The following SEMA3A variants were observed in gnomAD, a reference collection of about 807,000 sequenced individuals.
SEMA3A encodes semaphorin 3A, also known as semaphorin-3A.
SEMA3A carries 29 observed loss-of-function variants against 97.9 expected under a neutral mutation model. The observed-to-expected ratio is 0.30, with a 90% CI of 0.22 to 0.40. The LOEUF is 0.40. Ranked by LOEUF, SEMA3A falls within the 10% of genes least tolerant of loss-of-function variation. The pLI is 1.00. For missense variants in SEMA3A, 763 were observed against 951.3 expected, an observed-to-expected ratio of 0.80 and a Z score of 2.60; for synonymous variants, 321 against 323.7, an observed-to-expected ratio of 0.99 and a Z score of 0.09.
chr7:84,334,017 C>T (rs184213565), intron 2 of SEMA3A, among the ~76,000 whole-genome samples: 7 of 152,146 alleles, frequency 4.6e-5, no homozygotes, highest in Admixed American at 2.0e-4. Context: ...AGTATATATC[C>T]ATGTTTCATT....
At chr7:84,272,740 T>G (rs2115708987) in intron 3 of SEMA3A, among the ~76,000 whole-genome samples, 1 of 152,222 alleles carries the variant, frequency 6.6e-6, no homozygotes, top group Admixed American at 6.6e-5. Context: ...GTTACGCCAT[T>G]ATCTCTGAGC....
chr7:84,057,882 A>G (rs890324950), intron 5 of SEMA3A, among the ~76,000 whole-genome samples: 6 of 152,120 alleles, frequency 3.9e-5, no homozygotes, highest in Admixed American at 1.3e-4. Context: ...AACTTAGGAC[A>G]TGTTCTTGGA....
intron 4 of SEMA3A, among the ~76,000 whole-genome samples, chr7:84,063,640 G>A (rs200336728): frequency 0.038 from 5,626 of 148,162 alleles, 188 homozygotes; most frequent in East Asian, 0.16. Flanking sequence ...CTCAGGAGAC[G>A]ATGCGATCAA....
chr7:84,299,332 A>G (rs1363632765), intron 3 of SEMA3A, among the ~76,000 whole-genome samples: 1 of 128,334 alleles, frequency 7.8e-6, no homozygotes, highest in African/African-American at 2.7e-5. Context: ...ATCTCCATAT[A>G]TATGTATCTC....
At chr7:84,492,724 C>T (rs995531875) in exon 1 of SEMA3A, 18 of 150,968 alleles carry the variant, frequency 1.2e-4, no homozygotes, top group African/African-American at 4.4e-4. Flanking sequence ...GGCTTCATCT[C>T]TATTAGAGCT....
At chr7:84,282,659 C>T (rs989290982) in intron 3 of SEMA3A, among the ~76,000 whole-genome samples, 1 of 152,006 alleles carries the variant, frequency 6.6e-6, no homozygotes, top group Non-Finnish European at 1.5e-5. Flanking sequence ...AATAGCTGTG[C>T]TCTCTCTCAC....
At chr7:84,160,110 C>T (rs59186128) in intron 1 of SEMA3A, among the ~76,000 whole-genome samples, 9,547 of 152,002 alleles carry the variant, frequency 0.063, 653 homozygotes, top group African/African-American at 0.17. Context: ...AATATATATT[C>T]TTAAGAATTA....
chr7:84,082,282 A>G (rs1280150598), intron 4 of SEMA3A, among the ~76,000 whole-genome samples: 1 of 152,168 alleles, frequency 6.6e-6, no homozygotes, highest in African/African-American at 2.4e-5. Flanking sequence ...TTCCAATTGT[A>G]AGCTATTTAT....
At chr7:84,199,880 C>T (rs992150557), upstream of SEMA3A, among the ~76,000 whole-genome samples, 6 of 151,970 alleles carry the variant, frequency 3.9e-5, no homozygotes, top group African/African-American at 1.2e-4. Flanking sequence ...TGCTGGAAAC[C>T]GGGGGTGGCA....
chr7:84,429,466 A>C (rs939480388), intron 1 of SEMA3A, among the ~76,000 whole-genome samples: 6 of 141,104 alleles, frequency 4.3e-5, no homozygotes, highest in African/African-American at 1.6e-4. Context: ...GCAATATATT[A>C]TGTAACGTGG....
chr7:84,217,873 T>G lies in SEMA3A; in HGVS notation c.-82-23205A>C, dbSNP rs139221266. Among the ~76,000 whole-genome samples, 821 of 152,072 alleles carry G rather than the reference T, an allele frequency of 5.4e-3. 12 individuals are homozygous for G. Among genetic ancestry groups the G allele is most frequent in the African/African-American group, 0.019 (787 of 41,482 alleles). On this transcript the variant is annotated intron_variant, in intron 3 of 3. Coordinates refer to the SEMA3A transcript ENST00000424555. ...AGGAAAATCACTTGAGGCCAGCAGT[T>G]TAAAATCAGCTTGGGTGGGTAACAA...
intron 3 of SEMA3A, among the ~76,000 whole-genome samples, chr7:84,116,755 A>G (rs1021452664): frequency 6.6e-6 from 1 of 152,172 alleles, no homozygotes; most frequent in Admixed American, 6.5e-5. Context: ...TCTGCAAGCC[A>G]AAGAGAGGAG....
intron 1 of SEMA3A, among the ~76,000 whole-genome samples, chr7:84,469,025 C>T (rs751827508): frequency 4.6e-5 from 7 of 151,540 alleles, no homozygotes; most frequent in African/African-American, 7.3e-5. Flanking sequence ...TTTTTTGATC[C>T]GCTGAGGATA....
At position 84,105,202 on chromosome 7, in the gene SEMA3A, T is replaced by C. The variant is rs3801628; in HGVS notation, c.453+5268A>G. Reference sequence around the variant, plus strand: ...AATTTCTCAGTTCCGTACCAATTCGTAGAAATAAACTTGCTCTTCATTGGA... The same window carrying C: ...AATTTCTCAGTTCCGTACCAATTCGCAGAAATAAACTTGCTCTTCATTGGA... On this transcript the variant is annotated intron_variant, in intron 4 of 16. Coordinates refer to ENST00000265362, the MANE Select transcript of SEMA3A (RefSeq NM_006080.3). Among the ~76,000 whole-genome samples, 199 of 152,310 alleles carry C rather than the reference T, an allele frequency of 1.3e-3. 1 individual carries two copies. The East Asian group carries it at 0.017, about 13-fold the overall frequency.
chr7:83,956,516 G>A lies in SEMA3A; in HGVS notation c.*4855C>T, dbSNP rs1788282820. On this transcript the variant is annotated 3_prime_UTR_variant, in exon 17 of 17. Coordinates refer to ENST00000265362, the MANE Select transcript of SEMA3A (RefSeq NM_006080.3). ...TGTCTAGTGCTATGACTTTAGCTGAGTAAAGATAAATGAGGTGAACATTAA... is the reference window on the plus strand; with the variant it reads ...TGTCTAGTGCTATGACTTTAGCTGAATAAAGATAAATGAGGTGAACATTAA... The A allele has an allele frequency of 6.6e-6, 1 of 152,158 alleles. No individual in the cohort carries two copies. The highest frequency in any genetic ancestry group is 1.5e-5 in the Non-Finnish European group (1 of 68,042). The allele number at this position is 152,158 out of a possible 1,614,324, so 9.4% of individuals were successfully genotyped here.
intron 2 of SEMA3A, among the ~76,000 whole-genome samples, chr7:84,340,109 C>T (rs1044103871): frequency 6.6e-6 from 1 of 152,086 alleles, no homozygotes; most frequent in Admixed American, 6.5e-5. Context: ...TATGATGAGA[C>T]TATTTAACTC....
At chr7:84,154,383 A>C (rs775348378) in intron 1 of SEMA3A, among the ~76,000 whole-genome samples, 10 of 152,172 alleles carry the variant, frequency 6.6e-5, no homozygotes, top group Non-Finnish European at 1.5e-4. Flanking sequence ...TAGAACATAA[A>C]GACAGGTGAT....
chr7:84,262,369 C>T (rs562809061), intron 3 of SEMA3A, among the ~76,000 whole-genome samples: 1 of 152,236 alleles, frequency 6.6e-6, no homozygotes, highest in East Asian at 1.9e-4. Flanking sequence ...TGCCTGCCAC[C>T]ATGCCCAGCT....
intron 1 of SEMA3A, among the ~76,000 whole-genome samples, chr7:84,168,866 A>G (rs886405828): frequency 7.9e-5 from 12 of 151,904 alleles, no homozygotes; most frequent in Middle Eastern, 3.4e-3. Flanking sequence ...AATTTATCAG[A>G]TAATAGTTTA....
Sources: gnomAD v4.1 joint callset for allele counts (sites outside exome capture counted in the v4.1 genomes callset) on GRCh38, gnomAD v4.1.1 for gene constraint, MANE v1.5 for transcripts, NCBI Gene and HGNC (gene_info 2026-07-23, HGNC 2026-07-21) for gene names.